RTN4IP1: variants seen among roughly 807,000 people sequenced by gnomAD.
RTN4IP1 encodes reticulon 4 interacting protein 1.
Under a neutral mutation model 46.6 loss-of-function variants are expected in RTN4IP1, and 32 were observed. That is an observed-to-expected ratio of 0.69 (90% confidence interval 0.52 to 0.92). The LOEUF (loss-of-function observed/expected upper bound fraction) is 0.92, where lower values mean the gene tolerates loss of function less well. Among genes scored for constraint, RTN4IP1 ranks in the 40% least tolerant of loss-of-function variants. The pLI is 0.00. For missense variants in RTN4IP1, 424 were observed against 485.8 expected, an observed-to-expected ratio of 0.87 and a Z score of 1.20; for synonymous variants, 167 against 161.8, an observed-to-expected ratio of 1.03 and a Z score of -0.24.
At chr6:106,572,256 A>ATTT in intron 8 of RTN4IP1, 153 bp from the exon 9 acceptor site, 1 of 631,170 alleles carries the variant, frequency 1.6e-6, no homozygotes. Flanking sequence ...CACAAGGGCC[A>ATTT]TGATGCTGCC....
intron 8 of RTN4IP1, among the ~76,000 whole-genome samples, chr6:106,574,153 G>GTTGCAGAATGGAATGCATTA (rs1775159456): frequency 6.6e-6 from 1 of 152,096 alleles, no homozygotes; most frequent in Admixed American, 6.5e-5. Flanking sequence ...GGAATGCATT[G>GTTGCAGAATGGAATGCATTA]ATGTTTCTCG....
chr6:106,607,196 A>G (rs1378740790), intron 4 of RTN4IP1, among the ~76,000 whole-genome samples: 1 of 152,214 alleles, frequency 6.6e-6, no homozygotes, highest in Admixed American at 6.5e-5. Flanking sequence ...TTGGATATCC[A>G]TATGCAGAAA....
chr6:106,585,048 C>T (rs1290279371), intron 7 of RTN4IP1, among the ~76,000 whole-genome samples: 2 of 152,234 alleles, frequency 1.3e-5, no homozygotes, highest in Admixed American at 6.5e-5. Context: ...ATAGGCTGGT[C>T]TTAGAGGAGT....
chr6:106,615,735 A>C (rs2114672726), intron 4 of RTN4IP1, among the ~76,000 whole-genome samples: 1 of 152,348 alleles, frequency 6.6e-6, no homozygotes, highest in Non-Finnish European at 1.5e-5. Flanking sequence ...CACCAATGAC[A>C]CTACCAATAA....
intron 7 of RTN4IP1, among the ~76,000 whole-genome samples, chr6:106,586,366 T>A (rs887154511): frequency 2.0e-5 from 3 of 151,940 alleles, no homozygotes; most frequent in African/African-American, 7.3e-5. Flanking sequence ...TTGCTTAATT[T>A]AAAAAAATAG....
chr6:106,575,189 G>C (rs1775193955), intron 8 of RTN4IP1, among the ~76,000 whole-genome samples: 1 of 152,214 alleles, frequency 6.6e-6, no homozygotes, highest in African/African-American at 2.4e-5. Flanking sequence ...TGATGACGCT[G>C]CTATAGTCCA....
chr6:106,596,082 C>T (rs746456999), intron 5 of RTN4IP1, among the ~76,000 whole-genome samples: 3 of 152,186 alleles, frequency 2.0e-5, no homozygotes, highest in Non-Finnish European at 4.4e-5. Context: ...TTGGGCATTT[C>T]TTCAAGTTAG....
At chr6:106,593,005 A>G (rs908514636) in intron 5 of RTN4IP1, among the ~76,000 whole-genome samples, 1 of 152,202 alleles carries the variant, frequency 6.6e-6, no homozygotes, top group Non-Finnish European at 1.5e-5. Flanking sequence ...ATGTCTTCAG[A>G]AAAATGACTA....
At chr6:106,615,808 T>A (rs1374352116) in intron 4 of RTN4IP1, among the ~76,000 whole-genome samples, 1 of 152,186 alleles carries the variant, frequency 6.6e-6, no homozygotes. Flanking sequence ...TTTAAAAAAA[T>A]TTCTACTTAT....
chr6:106,600,738 TATC>T (rs944106455), intron 5 of RTN4IP1, among the ~76,000 whole-genome samples: 3 of 152,142 alleles, frequency 2.0e-5, no homozygotes, highest in African/African-American at 4.8e-5. Context: ...ATCCATGCTG[TATC>T]ATCATCAATA....
chr6:106,626,726 A>G (rs542572828), intron 1 of RTN4IP1, among the ~76,000 whole-genome samples: 1 of 152,324 alleles, frequency 6.6e-6, no homozygotes, highest in Admixed American at 6.5e-5. Flanking sequence ...CGGATGACTG[A>G]ATGGGGCCCT....
At position 106,592,262 on chromosome 6, in the gene RTN4IP1, G is replaced by A; in HGVS notation, c.708C>T (p.Cys236=). Residue 236 remains cysteine (C), a synonymous_variant, in exon 6 of 9, where the codon TGC becomes TGT. Coordinates refer to ENST00000369063, the MANE Select transcript of RTN4IP1 (RefSeq NM_032730.5). ...TTACAAGTTCACTGGCATCTTGGGA[G>A]CAAACTGCTGTCACATGAGCATCCC... ...KAWDAHVTAV[C]SQDASELVRK... 1 of 1,613,948 alleles carries A rather than the reference G, an allele frequency of 6.2e-7. No homozygotes were observed. Among genetic ancestry groups the A allele is most frequent in the Non-Finnish European group, 8.5e-7 (1 of 1,179,972 alleles).
chr6:106,608,265 G>C (rs1216764589), intron 4 of RTN4IP1, among the ~76,000 whole-genome samples: 1 of 152,128 alleles, frequency 6.6e-6, no homozygotes, highest in Non-Finnish European at 1.5e-5. Flanking sequence ...TTCACTCAAG[G>C]GGGAGCTAGA....
chr6:106,583,325 T>C lies in RTN4IP1; in HGVS notation c.1083+3A>G. Reference sequence around the variant, plus strand: ...TCCAATCCAGGTTTCCAGGTGCACGTACCTTTCCCGCATCCACCAGTTCTG... The same window carrying C: ...TCCAATCCAGGTTTCCAGGTGCACGCACCTTTCCCGCATCCACCAGTTCTG... On this transcript the variant is annotated splice_donor_region_variant and intron_variant, in intron 8 of 8. Transcript: ENST00000369063. 1 of 1,612,176 alleles carries C rather than the reference T, an allele frequency of 6.2e-7. No individual in the cohort carries two copies. The highest frequency in any genetic ancestry group is 1.3e-5 in the African/African-American group (1 of 75,016).
intron 4 of RTN4IP1, among the ~76,000 whole-genome samples, chr6:106,611,017 AG>A (rs1776209296): frequency 6.6e-6 from 1 of 151,322 alleles, no homozygotes; most frequent in Non-Finnish European, 1.5e-5. Context: ...TAATCTTATG[AG>A]GTAGGGCGCC....
In RTN4IP1 at chr6:106,571,733, G is replaced by T; in HGVS notation, c.*263C>A. On this transcript the variant is annotated 3_prime_UTR_variant, in exon 9 of 9. Transcript: ENST00000369063. ...TAAAGTAGTTTAAGCTAGTAAAACAGAAGGTGCCACAACAACCTGCAAAGC... is the reference window on the plus strand; with the variant it reads ...TAAAGTAGTTTAAGCTAGTAAAACATAAGGTGCCACAACAACCTGCAAAGC... The T allele has an allele frequency of 2.6e-6, 1 of 388,828 alleles. No individual in the cohort carries two copies. Among genetic ancestry groups the T allele is most frequent in the East Asian group, 5.1e-5 (1 of 19,540 alleles). 24.1% of individuals were successfully genotyped at this position (388,828 alleles called of 1,614,324 possible). A position where few individuals can be genotyped will look rare whatever the true frequency, so the allele number is the denominator to read the frequency against.
chr6:106,622,269 C>T (rs1776502419), intron 2 of RTN4IP1, among the ~76,000 whole-genome samples: 1 of 152,078 alleles, frequency 6.6e-6, no homozygotes, highest in Non-Finnish European at 1.5e-5. Context: ...GAAATTTGCA[C>T]ATTTAGTAAA....
At chr6:106,611,447 T>C (rs1776223240) in intron 4 of RTN4IP1, among the ~76,000 whole-genome samples, 1 of 152,202 alleles carries the variant, frequency 6.6e-6, no homozygotes, top group Non-Finnish European at 1.5e-5. Context: ...ACAAAGATGA[T>C]TTAAATATGG....
At chr6:106,612,970 C>T (rs1776266723) in intron 4 of RTN4IP1, among the ~76,000 whole-genome samples, 1 of 152,196 alleles carries the variant, frequency 6.6e-6, no homozygotes, top group South Asian at 2.1e-4. Context: ...ATAGAAGTAA[C>T]TGGCCTTGCT....
Sources: gnomAD v4.1 joint callset for allele counts (sites outside exome capture counted in the v4.1 genomes callset) on GRCh38, gnomAD v4.1.1 for gene constraint, MANE v1.5 for transcripts, NCBI Gene and HGNC (gene_info 2026-07-23, HGNC 2026-07-21) for gene names.